Variants in ARHGEF12 observed in about 807,000 individuals in gnomAD.
ARHGEF12 encodes the protein Rho guanine nucleotide exchange factor 12, also known as KMT2A/ARHGEF12 fusion protein.
A neutral mutation model predicts 211.2 loss-of-function variants in ARHGEF12; 66 were observed. That is an observed-to-expected ratio of 0.31 (90% confidence interval 0.26 to 0.38). ARHGEF12 has a LOEUF of 0.38. Among genes scored for constraint, ARHGEF12 ranks in the 10% least tolerant of loss-of-function variants. The pLI is 1.00. For synonymous variants in ARHGEF12, 592 were observed against 638.4 expected (o/e 0.93, Z 1.09); for missense variants, 1,429 against 1,869.5 (o/e 0.76, Z 4.34).
chr11:120,437,459 A>G (rs1945729411), intron 12 of ARHGEF12, 77 bp downstream of exon 12: 2 of 947,252 alleles, frequency 2.1e-6, no homozygotes, highest in Admixed American at 2.9e-5. Flanking sequence ...GACACATCTG[A>G]TGTTTACATA....
chr11:120,365,410 A>G (rs191419282), intron 1 of ARHGEF12, among the ~76,000 whole-genome samples: 20 of 152,318 alleles, frequency 1.3e-4, no homozygotes, highest in Admixed American at 1.1e-3. Flanking sequence ...AGGATTGGAG[A>G]GGAATATCGT....
intron 1 of ARHGEF12, among the ~76,000 whole-genome samples, chr11:120,376,194 A>G (rs116399045): frequency 0.013 from 2,007 of 150,744 alleles, 53 homozygotes; most frequent in African/African-American, 0.047. Flanking sequence ...AAATCATCAT[A>G]TTGGTATACT....
rs544628273 is a variant in ARHGEF12, at chr11:120,414,201, A to G, written c.199+4751A>G. 6.6e-5 allele frequency among the ~76,000 whole-genome samples: 10 copies of G among 152,344 alleles called. No individual in the cohort carries two copies. In the East Asian group the frequency reaches 1.9e-3, roughly 29 times the overall value. Reference sequence around the variant, plus strand: ...TACTTCACTGATGAGATGAAGCATGATATCAGGTTTATCAGCTTCTAGGCA... The same window carrying G: ...TACTTCACTGATGAGATGAAGCATGGTATCAGGTTTATCAGCTTCTAGGCA... On this transcript the variant is annotated intron_variant, in intron 4 of 40. Transcript: ENST00000397843.
intron 28 of ARHGEF12, 108 bp downstream of exon 28, chr11:120,465,470 T>A: frequency 6.9e-7 from 1 of 1,440,222 alleles, no homozygotes; most frequent in Non-Finnish European, 9.4e-7. Flanking sequence ...ACATCTGTGT[T>A]AACTTTTTTT....
chr11:120,445,518 T>C (rs763749303), intron 16 of ARHGEF12, 54 bp downstream of exon 16: 46 of 1,542,570 alleles, frequency 3.0e-5, no homozygotes, highest in Non-Finnish European at 4.0e-5. Context: ...GATATGTAGC[T>C]CAGCTCATCT....
rs527306138 is a variant in ARHGEF12, at chr11:120,447,553, G to A, written c.1590-321G>A. Among the ~76,000 whole-genome samples the A allele has an allele frequency of 2.1e-3, 321 of 151,540 alleles. 4 individuals are homozygous for A. The highest frequency in any genetic ancestry group is 2.6e-3 in the Admixed American group (40 of 15,222). On this transcript the variant is annotated intron_variant, in intron 18 of 40. Transcript: ENST00000397843. ...AATTTTTAAGGCCAGGCATGGTGGC[G>A]CACTCCTGTAATCCCAGCACTTTGG...
At chr11:120,479,721 G>T (rs1178787957) in intron 37 of ARHGEF12, among the ~76,000 whole-genome samples, 1 of 152,148 alleles carries the variant, frequency 6.6e-6, no homozygotes, top group African/African-American at 2.4e-5. Context: ...ATCTTTTCAA[G>T]TTTAGTTTAA....
chr11:120,457,047 CT>C (rs1946384121), intron 22 of ARHGEF12, 70 bp from the exon 23 acceptor site: 1 of 1,501,200 alleles, frequency 6.7e-7, no homozygotes, highest in Admixed American at 1.9e-5. Context: ...GTTCTGGGAA[CT>C]AATTTTTTTT....
intron 18 of ARHGEF12, 23 bp from the exon 19 acceptor site, chr11:120,447,851 A>C (rs1245465181): frequency 6.6e-7 from 1 of 1,512,592 alleles, no homozygotes; most frequent in Admixed American, 2.1e-5. Flanking sequence ...TTCATTTTTA[A>C]ATTTTTTTTT....
At chr11:120,430,723 A>G (rs1180675989) in intron 10 of ARHGEF12, among the ~76,000 whole-genome samples, 2 of 152,194 alleles carry the variant, frequency 1.3e-5, no homozygotes, top group Non-Finnish European at 2.9e-5. Context: ...GAGATCATCT[A>G]GCCTAATCTG....
At chr11:120,482,881 C>G (rs1440033300) in intron 39 of ARHGEF12, among the ~76,000 whole-genome samples, 1 of 152,098 alleles carries the variant, frequency 6.6e-6, no homozygotes, top group African/African-American at 2.4e-5. Context: ...ACTGGTCTCC[C>G]TTAGTTTCTC....
chr11:120,466,011 A>C (rs1285908017), intron 28 of ARHGEF12, among the ~76,000 whole-genome samples: 1 of 152,224 alleles, frequency 6.6e-6, no homozygotes, highest in Non-Finnish European at 1.5e-5. Context: ...GGGGTATATG[A>C]ATTAAGGGTT....
At chr11:120,469,808 T>G (rs185075353) in intron 30 of ARHGEF12, among the ~76,000 whole-genome samples, 59 of 152,334 alleles carry the variant, frequency 3.9e-4, no homozygotes, top group African/African-American at 1.4e-3. Context: ...AATTTCAAGA[T>G]GCTACGATAT....
chr11:120,363,296 C>G (rs149550395), intron 1 of ARHGEF12, among the ~76,000 whole-genome samples: 96 of 152,234 alleles, frequency 6.3e-4, no homozygotes, highest in African/African-American at 2.1e-3. Flanking sequence ...GTTGGCACTG[C>G]GTGGATAAAG....
At chr11:120,362,507 G>A (rs1334139365) in intron 1 of ARHGEF12, among the ~76,000 whole-genome samples, 1 of 152,056 alleles carries the variant, frequency 6.6e-6, no homozygotes, top group Non-Finnish European at 1.5e-5. Context: ...AGATGATTTA[G>A]TTAAATATTA....
chr11:120,434,780 T>A (rs182886280), intron 11 of ARHGEF12, among the ~76,000 whole-genome samples: 192 of 152,300 alleles, frequency 1.3e-3, no homozygotes, highest in African/African-American at 4.1e-3. Flanking sequence ...TCATTTTGAT[T>A]TTCAGTTTGT....
intron 1 of ARHGEF12, among the ~76,000 whole-genome samples, chr11:120,397,313 A>G (rs4938803): frequency 0.2 from 29,870 of 151,988 alleles, 3,115 homozygotes; most frequent in African/African-American, 0.25. Context: ...AAGATTTGAC[A>G]TGAGTTCATG....
chr11:120,488,763 C>G lies in ARHGEF12; in HGVS notation c.*3686C>G, dbSNP rs1260750941. 5 of 213,520 alleles carry G rather than the reference C, an allele frequency of 2.3e-5. No homozygotes were observed. The highest frequency in any genetic ancestry group is 4.5e-5 in the African/African-American group (2 of 44,216). 13.2% of individuals were successfully genotyped at this position (213,520 alleles called of 1,614,324 possible). A position where few individuals can be genotyped will look rare whatever the true frequency, so the allele number is the denominator to read the frequency against. ...CACCATACAATCATGTACTCTTTAA[C>G]AGAAATTGCTTTTAAAAAATATCTG... On this transcript the variant is annotated 3_prime_UTR_variant, in exon 41 of 41. Transcript: ENST00000397843.
In ARHGEF12 at chr11:120,451,558, A is replaced by AGGG; in HGVS notation, c.1890_1891insGGG (p.Leu630_Ser631insGly). On this transcript the variant is annotated inframe_insertion, in exon 22 of 41. Transcript: ENST00000397843. ...AGAAGGCGCGCCACCCTAAGCACTTATCCACACCCTCATCTGTGAGTCCTG... is the reference window on the plus strand; with the variant it reads ...AGAAGGCGCGCCACCCTAAGCACTTAGGGTCCACACCCTCATCTGTGAGTCCTG... The AGGG allele has an allele frequency of 3.7e-6, 6 of 1,614,192 alleles. No individual in the cohort carries two copies. Among genetic ancestry groups the AGGG allele is most frequent in the Non-Finnish European group, 5.1e-6 (6 of 1,180,036 alleles).
Sources: gnomAD v4.1 joint callset for allele counts (sites outside exome capture counted in the v4.1 genomes callset) on GRCh38, gnomAD v4.1.1 for gene constraint, MANE v1.5 for transcripts, NCBI Gene and HGNC (gene_info 2026-07-23, HGNC 2026-07-21) for gene names.